CDC42EP1: variants seen among roughly 807,000 people sequenced by gnomAD.
CDC42EP1 encodes the protein 55 kDa bone marrow stromal/endothelial cell protein.
In CDC42EP1, 6 loss-of-function variants were observed where a neutral mutation model predicts 7.4. That is an observed-to-expected ratio of 0.81 (90% CI 0.44 to 1.60). The LOEUF (loss-of-function observed/expected upper bound fraction) is 1.60. Ranked by LOEUF, CDC42EP1 falls within the 40% of genes most tolerant of loss-of-function variation. CDC42EP1 has a pLI of 0.01. For missense variants in CDC42EP1, 567 were observed against 539.0 expected (o/e 1.05, Z -0.51); for synonymous variants, 238 against 227.1 (o/e 1.05, Z -0.43).
Position 37,566,686 on chromosome 22 carries a change from TC to T in CDC42EP1, c.342del (p.Ile115SerfsTer97), listed in dbSNP as rs1248924127. On this transcript the variant is annotated frameshift_variant, in exon 2 of 3. Transcript: ENST00000249014. LOFTEE classifies it high-confidence loss of function. This position sits in a 1 kb window ranked among gnomAD's most constrained non-coding sequence, Gnocchi z 6.4. The part of the protein sequence containing the change: ...PAPSPAPPAI[S>X]PIIKNAISLP... ...ACCCTCCCCGGCTCCACCGGCCATC[TC>T]CCCCATCATCAAGAACGCCATCTCC... The T allele has an allele frequency of 6.2e-7, 1 of 1,609,798 alleles. No individual in the cohort carries two copies. The highest frequency in any genetic ancestry group is 1.3e-5 in the African/African-American group (1 of 74,596).
intron 1 of CDC42EP1, among the ~76,000 whole-genome samples, 196 bp from the exon 2 acceptor site, chr22:37,565,876 G>T (rs372743290): frequency 2.0e-5 from 3 of 151,984 alleles, no homozygotes; most frequent in Non-Finnish European, 4.4e-5. Flanking sequence ...CACCGCACCC[G>T]GCTGTGTTCT....
Position 37,568,583 on chromosome 22 carries a change from T to C in CDC42EP1, c.939T>C (p.Ala313=), listed in dbSNP as rs781001071. The change falls in exon 3 of 3, where the codon GCT becomes GCC. Residue 313 remains alanine, a synonymous_variant. Transcript: ENST00000249014. ...TGGGAGGGGGTCCCCGAGGACCTGC[T>C]GGCCCTGCCCTCGGCAGGCACTGGG... ...SPVGGGPRGP[A]GPALGRHWGA... The C allele has an allele frequency of 3.7e-6, 6 of 1,602,706 alleles. No individual in the cohort carries two copies. In the South Asian group the frequency reaches 6.7e-5, roughly 18 times the overall value.
intron 1 of CDC42EP1, among the ~76,000 whole-genome samples, chr22:37,563,137 T>G (rs1601836245): frequency 6.7e-6 from 1 of 149,880 alleles, no homozygotes; most frequent in East Asian, 1.9e-4. Context: ...GTCAGGGAGC[T>G]GGGGTGGGAG....
At chr22:37,561,419 CG>C (rs1257899652) in intron 1 of CDC42EP1, among the ~76,000 whole-genome samples, 2 of 152,252 alleles carry the variant, frequency 1.3e-5, no homozygotes, top group East Asian at 3.9e-4. Context: ...GGCTCTAACT[CG>C]GGGCGGTGGG....
At chr22:37,561,145 C>T (rs562951524) in intron 1 of CDC42EP1, among the ~76,000 whole-genome samples, 2 of 152,302 alleles carry the variant, frequency 1.3e-5, no homozygotes, top group East Asian at 1.9e-4. Context: ...AGCGACCCTC[C>T]GCGTCCTGAG....
Position 37,568,767 on chromosome 22 carries a change from G to A in CDC42EP1, c.1123G>A (p.Ala375Thr), listed in dbSNP as rs762075394. 1.1e-5 allele frequency: 17 copies of A among 1,504,458 alleles called. No homozygotes were observed. The highest frequency in any genetic ancestry group is 1.4e-5 in the Non-Finnish European group (16 of 1,126,248). The allele number at this position is 1,504,458 out of a possible 1,614,324, so 93.2% of individuals were successfully genotyped here. A position where few individuals can be genotyped will look rare whatever the true frequency, so the allele number is the denominator to read the frequency against. ...SRTPVPSTVQ[A>T]NTFEFADAEE... ...GACCCCAGTGCCCAGCACAGTGCAA[G>A]CAAACACCTTTGAATTTGCGGATGC... Residue 375 changes from alanine (A) to threonine (T), a missense_variant, in exon 3 of 3, where the codon GCA (alanine) becomes ACA (threonine). Transcript: ENST00000249014.
At position 37,568,200 on chromosome 22, in the gene CDC42EP1, G is replaced by C; in HGVS notation, c.556G>C (p.Gly186Arg). ...DRDGSFPSEP[G>R]LRRSDSLLSF... is the part of the protein sequence containing the mutation. ...GGATGGTTCCTTCCCCTCTGAGCCC[G>C]GGCTTCGCCGCTCTGACTCTCTCTT... Residue 186 changes from glycine (G) to arginine (R), a missense_variant, in exon 3 of 3, where the codon GGG becomes CGG. Physicochemically the swap from Gly to Arg is moderately radical, Grantham distance 125. Transcript: ENST00000249014. 6.2e-7 allele frequency: 1 copy of C among 1,613,892 alleles called. No individual in the cohort carries two copies. Among genetic ancestry groups the C allele is most frequent in the Non-Finnish European group, 8.5e-7 (1 of 1,179,962 alleles).
chr22:37,564,074 C>G (rs1925139962), intron 1 of CDC42EP1, among the ~76,000 whole-genome samples: 1 of 152,182 alleles, frequency 6.6e-6, no homozygotes, highest in Non-Finnish European at 1.5e-5. Context: ...GCTCTGAGTT[C>G]AAGTCTCAAC....
intron 1 of CDC42EP1, among the ~76,000 whole-genome samples, chr22:37,562,355 AC>A (rs1925074376): frequency 6.6e-6 from 1 of 151,984 alleles, no homozygotes; most frequent in African/African-American, 2.4e-5. Context: ...AGCCCTGCTT[AC>A]TCCAGTGCCA....
At chr22:37,561,859 C>G (rs971850240) in intron 1 of CDC42EP1, among the ~76,000 whole-genome samples, 2 of 152,214 alleles carry the variant, frequency 1.3e-5, no homozygotes, top group African/African-American at 4.8e-5. Flanking sequence ...CCTTCAGACC[C>G]GCCCTTGGCC....
At chr22:37,564,357 A>G (rs970944866) in intron 1 of CDC42EP1, 2 of 152,206 alleles carry the variant, frequency 1.3e-5, no homozygotes, top group Non-Finnish European at 2.9e-5. Context: ...CTCCTACGTC[A>G]GTTTGACAAA....
chr22:37,568,296 G>A lies in CDC42EP1; in HGVS notation c.652G>A (p.Glu218Lys), dbSNP rs746204120. The A allele has an allele frequency of 3.1e-6, 5 of 1,613,028 alleles. No homozygotes were observed. The highest frequency in any genetic ancestry group is 4.2e-6 in the Non-Finnish European group (5 of 1,179,900). The change falls in exon 3 of 3, where the codon GAA (glutamate) becomes AAA (lysine). Residue 218 changes from glutamate to lysine, a missense_variant. Transcript: ENST00000249014. ...SELLGVMSLP[E>K]APAAETPAPA... ...GCTGCTAGGGGTCATGAGCCTCCCA[G>A]AAGCCCCTGCAGCTGAGACTCCAGC...
chr22:37,564,992 C>A (rs375269528), intron 1 of CDC42EP1, among the ~76,000 whole-genome samples: 45 of 152,202 alleles, frequency 3.0e-4, no homozygotes, highest in African/African-American at 9.2e-4. Context: ...GTTGGCCAGG[C>A]TGGTCTCTAA....
chr22:37,564,916 T>C (rs999286362), intron 1 of CDC42EP1, among the ~76,000 whole-genome samples: 2 of 151,918 alleles, frequency 1.3e-5, no homozygotes, highest in Admixed American at 6.6e-5. Context: ...GTAGCTGGGA[T>C]TACAGGCGCC....
chr22:37,560,702 AC>A, intron 1 of CDC42EP1, 114 bp downstream of exon 1: 1 of 149,288 alleles, frequency 6.7e-6, no homozygotes, highest in East Asian at 2.0e-4. Context: ...CGGGGACGGG[AC>A]CCGCCCGGGA....
rs190518121 is a variant in CDC42EP1, at chr22:37,566,532, G to A, written c.183G>A (p.Thr61=). The change falls in exon 2 of 3, where the codon ACG becomes ACA. Residue 61 remains threonine (T), a synonymous_variant. Coordinates refer to ENST00000249014, the MANE Select transcript of CDC42EP1 (RefSeq NM_152243.3). This position sits in a 1 kb window ranked among gnomAD's most constrained non-coding sequence, Gnocchi z 6.4. ...VGRGGDVFGD[T]SFLSNHGGSS... ...GTGGCGGGGATGTCTTCGGGGACAC[G>A]TCCTTCCTCAGCAACCACGGTGGCA... 45 of 1,610,808 alleles carry A rather than the reference G, an allele frequency of 2.8e-5. No individual in the cohort carries two copies. The highest frequency in any genetic ancestry group is 5.3e-5 in the African/African-American group (4 of 74,998).
rs746292047 is a variant in CDC42EP1 at position 37,568,361 on chromosome 22, G to A, written c.717G>A (p.Thr239=). 2.4e-5 allele frequency: 35 copies of A among 1,471,824 alleles called. No homozygotes were observed. Among genetic ancestry groups the A allele is most frequent in the Non-Finnish European group, 2.9e-5 (32 of 1,095,848 alleles). 91.2% of individuals were successfully genotyped at this position (1,471,824 alleles called of 1,614,324 possible). Residue 239 remains threonine, a synonymous_variant, in exon 3 of 3, where the codon ACG becomes ACA. Coordinates refer to ENST00000249014, the MANE Select transcript of CDC42EP1 (RefSeq NM_152243.3). The part of the protein sequence containing the change: ...ANPPAPTANP[T]GPAANPPATT... ...CCCCAGCCCCTACTGCAAACCCCAC[G>A]GGTCCTGCTGCAAACCCCCCAGCCA...
rs1443072802 is a variant in CDC42EP1, at chr22:37,569,140, C to A, written c.*320C>A. ...AGTGTGTCCTTTGTGCCAGACCAAG[C>A]GGCCCGTGGGGGGTGGGGGGCAGGG... On this transcript the variant is annotated 3_prime_UTR_variant, in exon 3 of 3. Coordinates refer to ENST00000249014, the MANE Select transcript of CDC42EP1 (RefSeq NM_152243.3). 8.7e-6 allele frequency: 2 copies of A among 230,726 alleles called. No individual in the cohort carries two copies. Among genetic ancestry groups the A allele is most frequent in the Non-Finnish European group, 1.7e-5 (2 of 119,200 alleles). The allele number at this position is 230,726 out of a possible 1,614,324, so 14.3% of individuals were successfully genotyped here. A position where few individuals can be genotyped will look rare whatever the true frequency, so the allele number is the denominator to read the frequency against.
chr22:37,568,454 T>C lies in CDC42EP1; in HGVS notation c.810T>C (p.Ala270=), dbSNP rs13057024. 1 of 1,589,170 alleles carries C rather than the reference T, an allele frequency of 6.3e-7. No homozygotes were observed. Among genetic ancestry groups the C allele is most frequent in the South Asian group, 1.1e-5 (1 of 88,472 alleles). ...SAPAATPTGP[A]ANPPAPAASS... is the part of the protein sequence containing the mutation. ...CTGCCGCAACCCCCACGGGTCCTGC[T>C]GCAAATCCCCCAGCCCCTGCCGCAA... is the stretch of plus-strand genomic sequence containing the variant. Residue 270 remains alanine (A), a synonymous_variant, in exon 3 of 3, where the codon GCT becomes GCC. Coordinates refer to ENST00000249014, the MANE Select transcript of CDC42EP1 (RefSeq NM_152243.3).
Sources: gnomAD v4.1 joint callset for allele counts (sites outside exome capture counted in the v4.1 genomes callset) on GRCh38, gnomAD v4.1.1 for gene constraint, Gnocchi (gnomAD v3.1) non-coding constraint, MANE v1.5 for transcripts, NCBI Gene and HGNC (gene_info 2026-07-23, HGNC 2026-07-21) for gene names.